Variants in CSMD3 observed in about 807,000 individuals in gnomAD.
The protein encoded by CSMD3 is CUB and Sushi multiple domains 3.
Under a neutral mutation model 435.2 loss-of-function variants are expected in CSMD3, and 177 were observed. The ratio of observed to expected loss-of-function variants is 0.41; its 90% CI spans 0.36 to 0.46. The LOEUF (loss-of-function observed/expected upper bound fraction) is 0.46. Ranked by LOEUF, CSMD3 falls within the 20% of genes least tolerant of loss-of-function variation. CSMD3 has a pLI of 0.34. For synonymous variants in CSMD3, 1,656 were observed against 1,520.5 expected (o/e 1.09, Z -2.07); for missense variants, 4,265 against 4,504.6 (o/e 0.95, Z 1.52).
intron 36 of CSMD3, 133 bp from the exon 37 acceptor site, chr8:112,383,796 T>C (rs187094773): frequency 9.0e-5 from 62 of 691,462 alleles, no homozygotes; most frequent in Middle Eastern, 2.4e-4. Context: ...AGAAGGGTTT[T>C]TAACAGAACT....
At chr8:113,194,064 C>T (rs188158798) in intron 3 of CSMD3, among the ~76,000 whole-genome samples, 1 of 151,332 alleles carries the variant, frequency 6.6e-6, no homozygotes, top group Admixed American at 6.6e-5. Context: ...TTTGTTGAAT[C>T]AGGAACCAAT....
chr8:112,334,333 C>T (rs1397730546), intron 45 of CSMD3, among the ~76,000 whole-genome samples: 3 of 152,112 alleles, frequency 2.0e-5, no homozygotes, highest in African/African-American at 7.2e-5. Flanking sequence ...TCTTTGAACA[C>T]AATCACAGTT....
At chr8:112,799,926 T>G (rs543712831) in intron 13 of CSMD3, among the ~76,000 whole-genome samples, 4 of 151,984 alleles carry the variant, frequency 2.6e-5, no homozygotes, top group Non-Finnish European at 5.9e-5. Flanking sequence ...GATAGTATAA[T>G]ATACTGGGAG....
At chr8:113,037,460 A>G (rs2087403400) in intron 5 of CSMD3, among the ~76,000 whole-genome samples, 1 of 152,062 alleles carries the variant, frequency 6.6e-6, no homozygotes, top group Non-Finnish European at 1.5e-5. Flanking sequence ...TATTTTCTAC[A>G]TTATTTATCT....
intron 22 of CSMD3, among the ~76,000 whole-genome samples, chr8:112,634,952 T>C (rs1180657006): frequency 3.9e-5 from 6 of 151,954 alleles, no homozygotes; most frequent in African/African-American, 7.2e-5. Flanking sequence ...GCAAGTTATT[T>C]AGCATCTCTA....
chr8:113,239,341 G>A (rs969952488), intron 3 of CSMD3, among the ~76,000 whole-genome samples: 1 of 152,050 alleles, frequency 6.6e-6, no homozygotes, highest in South Asian at 2.1e-4. Context: ...TATGCCTACT[G>A]CATAGAGACA....
At chr8:112,452,018 T>G (rs571289534) in intron 32 of CSMD3, among the ~76,000 whole-genome samples, 99 of 152,250 alleles carry the variant, frequency 6.5e-4, no homozygotes, top group African/African-American at 2.2e-3. Flanking sequence ...TGACTGAAAT[T>G]CTCCCCAGCT....
intron 10 of CSMD3, among the ~76,000 whole-genome samples, chr8:112,910,097 T>A (rs1042418963): frequency 1.3e-5 from 2 of 151,830 alleles, no homozygotes; most frequent in African/African-American, 4.8e-5. Context: ...GCAGTTAAAT[T>A]GACCAATTTA....
At chr8:112,561,073 C>A (rs1458926795) in intron 24 of CSMD3, among the ~76,000 whole-genome samples, 1 of 151,544 alleles carries the variant, frequency 6.6e-6, no homozygotes, top group Non-Finnish European at 1.5e-5. Context: ...GCTGAAAATG[C>A]ACATGGACAA....
intron 3 of CSMD3, among the ~76,000 whole-genome samples, chr8:113,187,067 T>C (rs2092514631): frequency 6.6e-6 from 1 of 151,978 alleles, no homozygotes; most frequent in Non-Finnish European, 1.5e-5. Flanking sequence ...ATATTTATTC[T>C]CATGAATATG....
chr8:112,738,999 C>T (rs939534129), intron 13 of CSMD3, among the ~76,000 whole-genome samples: 1 of 151,422 alleles, frequency 6.6e-6, no homozygotes, highest in Admixed American at 6.6e-5. Flanking sequence ...ATTGAATATC[C>T]TTCTGGAAAT....
At chr8:112,772,952 C>T (rs1001098277) in intron 13 of CSMD3, among the ~76,000 whole-genome samples, 5 of 152,012 alleles carry the variant, frequency 3.3e-5, no homozygotes, top group African/African-American at 7.2e-5. Flanking sequence ...CTCCTGGAAA[C>T]GCCCGATAAT....
chr8:113,306,851 T>C (rs2093825482), intron 2 of CSMD3, among the ~76,000 whole-genome samples: 1 of 152,146 alleles, frequency 6.6e-6, no homozygotes, highest in Non-Finnish European at 1.5e-5. Context: ...TTATTCACTC[T>C]AATTTCTGTT....
intron 1 of CSMD3, among the ~76,000 whole-genome samples, chr8:113,429,619 T>A (rs2094658401): frequency 1.3e-5 from 2 of 152,134 alleles, no homozygotes; most frequent in Non-Finnish European, 2.9e-5. Flanking sequence ...TTATCATTTT[T>A]AAAATTTTAC....
At chr8:112,346,415 C>T (rs1825675519) in intron 40 of CSMD3, among the ~76,000 whole-genome samples, 2 of 152,140 alleles carry the variant, frequency 1.3e-5, no homozygotes, top group Admixed American at 1.3e-4. Flanking sequence ...AAGACAACAT[C>T]CTTCCTTCCT....
chr8:113,391,792 TAGA>T (rs1377306827), intron 1 of CSMD3, among the ~76,000 whole-genome samples: 1 of 151,586 alleles, frequency 6.6e-6, no homozygotes, highest in African/African-American at 2.4e-5. Flanking sequence ...CAATGATTGC[TAGA>T]AGAAGGGGAT....
chr8:113,335,584 G>C (rs1359930479), intron 1 of CSMD3, among the ~76,000 whole-genome samples: 1 of 48,260 alleles, frequency 2.1e-5, no homozygotes, highest in Non-Finnish European at 3.5e-5. Flanking sequence ...TGAAACCTTA[G>C]ATTGTTCCTT....
In CSMD3 at chr8:113,122,745, T is replaced by C. The variant is rs565724783; in HGVS notation, c.710-23782A>G. On this transcript the variant is annotated intron_variant, in intron 4 of 70. Transcript: ENST00000297405. ...GAATGCAGCTCTGATAACACCTTGC[T>C]TTTAGGCTAGTGAGACCTGTGGCAG... Among the ~76,000 whole-genome samples the C allele has an allele frequency of 7.2e-5, 11 of 152,242 alleles. 2 individuals are homozygous for C. The South Asian group carries it at 2.1e-3, about 29-fold the overall frequency.
At chr8:112,242,370 A>T (rs140511833) in intron 65 of CSMD3, among the ~76,000 whole-genome samples, 1 of 152,202 alleles carries the variant, frequency 6.6e-6, no homozygotes, top group African/African-American at 2.4e-5. Context: ...GTATCCTAAG[A>T]ACAATGTAAT....
Sources: allele counts gnomAD v4.1 joint callset (sites outside exome capture counted in the v4.1 genomes callset), GRCh38; gene constraint gnomAD v4.1.1; transcripts MANE v1.5; gene names NCBI Gene and HGNC (gene_info 2026-07-23, HGNC 2026-07-21).